The following POLR3B variants were observed in gnomAD, a reference collection of about 807,000 sequenced individuals.
POLR3B encodes DNA-directed RNA polymerase III subunit RPC2.
Under a neutral mutation model 147.4 loss-of-function variants are expected in POLR3B, and 96 were observed. The observed-to-expected ratio is 0.65, with a 90% CI of 0.55 to 0.77. The LOEUF is 0.77. Among genes scored for constraint, POLR3B ranks in the 30% least tolerant of loss-of-function variants. The pLI is 0.00. For missense variants in POLR3B, 1,036 were observed against 1,413.5 expected (o/e 0.73, Z 4.28); for synonymous variants, 461 against 485.9 (o/e 0.95, Z 0.67).
chr12:106,397,392 C>T (rs776610293), intron 10 of POLR3B, among the ~76,000 whole-genome samples: 1 of 152,192 alleles, frequency 6.6e-6, no homozygotes, highest in Non-Finnish European at 1.5e-5. Context: ...AGAGTTCCCC[C>T]TCATGCCCCT....
At chr12:106,490,420 G>T (rs1380601952) in intron 23 of POLR3B, among the ~76,000 whole-genome samples, 1 of 152,198 alleles carries the variant, frequency 6.6e-6, no homozygotes, top group Non-Finnish European at 1.5e-5. Flanking sequence ...TGTAAAAACT[G>T]TATTGTCTTC....
intron 15 of POLR3B, 114 bp downstream of exon 15, chr12:106,432,594 G>A: frequency 1.1e-6 from 1 of 885,894 alleles, no homozygotes; most frequent in South Asian, 1.3e-5. Context: ...GGCCCAGGTT[G>A]ACCTTCACTT....
intron 23 of POLR3B, among the ~76,000 whole-genome samples, chr12:106,481,058 G>A (rs1380211169): frequency 6.6e-6 from 1 of 152,210 alleles, no homozygotes; most frequent in Non-Finnish European, 1.5e-5. Context: ...TGAAGGTTTT[G>A]CAGCTGTAGC....
At chr12:106,442,798 T>G (rs2037670760) in intron 18 of POLR3B, among the ~76,000 whole-genome samples, 1 of 152,068 alleles carries the variant, frequency 6.6e-6, no homozygotes, top group Admixed American at 6.6e-5. Context: ...AAATAGCGGG[T>G]CCACAGAGAT....
chr12:106,411,604 GT>G (rs1455570117), intron 12 of POLR3B, among the ~76,000 whole-genome samples: 2 of 152,108 alleles, frequency 1.3e-5, no homozygotes, highest in Non-Finnish European at 2.9e-5. Flanking sequence ...CTAAGTACTA[GT>G]TATATAAGAG....
In POLR3B at chr12:106,386,799, C is replaced by G. The variant is rs554117953; in HGVS notation, c.724-6232C>G. On this transcript the variant is annotated intron_variant, in intron 9 of 27. Coordinates refer to ENST00000228347, the MANE Select transcript of POLR3B (RefSeq NM_018082.6). ...GCAGGTGCCTGTAGTCCCAGCTACT[C>G]AGGAGGCTGAGGCAGGAGAATGGCG... Among the ~76,000 whole-genome samples the G allele has an allele frequency of 3.9e-5, 6 of 152,064 alleles. 1 individual carries two copies. In the South Asian group the frequency reaches 1.2e-3, roughly 32 times the overall value.
intron 18 of POLR3B, among the ~76,000 whole-genome samples, chr12:106,441,778 A>G (rs2037654540): frequency 6.6e-6 from 1 of 152,208 alleles, no homozygotes; most frequent in Non-Finnish European, 1.5e-5. Context: ...AGTGCTTTAT[A>G]CACAGTGAAT....
chr12:106,433,976 A>G, intron 16 of POLR3B, 104 bp downstream of exon 16: 3 of 905,182 alleles, frequency 3.3e-6, no homozygotes, highest in Non-Finnish European at 5.2e-6. Context: ...AACCTCTTTC[A>G]TTGTGAAGAT....
intron 23 of POLR3B, among the ~76,000 whole-genome samples, chr12:106,487,327 T>G (rs1445511062): frequency 6.6e-6 from 1 of 152,242 alleles, no homozygotes; most frequent in Non-Finnish European, 1.5e-5. Context: ...TTAGTTGAAC[T>G]TAGTTTTTAA....
rs997162050 is a variant in POLR3B, at chr12:106,496,076, C to G, written c.2735C>G (p.Pro912Arg). 1.2e-6 allele frequency: 2 copies of G among 1,611,546 alleles called. No individual in the cohort carries two copies. The highest frequency in any genetic ancestry group is 1.7e-6 in the Non-Finnish European group (2 of 1,177,652). ...GQKGVCGLIV[P>R]QEDMPFCDSG... ...CCAGGTGTTTGTGGCTTGATCGTCC[C>G]CCAGGAAGACATGCCATTTTGTGAT... is the stretch of plus-strand genomic sequence containing the variant. The change falls in exon 24 of 28, where the codon CCC becomes CGC. Residue 912 changes from proline to arginine, a missense_variant. Physicochemically the swap from Pro to Arg is moderately radical, Grantham distance 103. Around this residue, in one of 12 missense-constraint regions of POLR3B, gnomAD observed 202 missense variants for 272.8 expected, o/e 0.74. Transcript: ENST00000228347.
At chr12:106,505,403 T>A (rs2038670902) in intron 27 of POLR3B, among the ~76,000 whole-genome samples, 1 of 152,028 alleles carries the variant, frequency 6.6e-6, no homozygotes, top group South Asian at 2.1e-4. Flanking sequence ...TCCTCTCACC[T>A]CAGTCCCCTG....
chr12:106,416,060 A>G (rs1387178134), intron 12 of POLR3B, among the ~76,000 whole-genome samples: 4 of 152,216 alleles, frequency 2.6e-5, no homozygotes, highest in African/African-American at 9.6e-5. Context: ...CTTGGGGATC[A>G]TTGTCACAGG....
intron 11 of POLR3B, among the ~76,000 whole-genome samples, chr12:106,409,788 A>T (rs2037201224): frequency 6.6e-6 from 1 of 152,104 alleles, no homozygotes; most frequent in African/African-American, 2.4e-5. Context: ...AGAAATTTTA[A>T]AATAGTATGT....
intron 10 of POLR3B, among the ~76,000 whole-genome samples, chr12:106,405,539 T>TACACACACACACAC (rs71072675): frequency 0.018 from 2,592 of 142,658 alleles, 34 homozygotes; most frequent in East Asian, 0.046. Context: ...GCTATATGTC[T>TACACACACACACAC]ACACACACAC....
At chr12:106,420,948 A>G (rs1310658806) in intron 12 of POLR3B, among the ~76,000 whole-genome samples, 2 of 152,072 alleles carry the variant, frequency 1.3e-5, no homozygotes, top group East Asian at 3.9e-4. Flanking sequence ...TTCTTGATTT[A>G]TTATATCATT....
At chr12:106,494,244 T>A (rs1221293678) in intron 23 of POLR3B, among the ~76,000 whole-genome samples, 2 of 152,202 alleles carry the variant, frequency 1.3e-5, no homozygotes, top group African/African-American at 2.4e-5. Context: ...TCTCTCTCCT[T>A]ACCCACCCCC....
At chr12:106,457,364 G>C in intron 21 of POLR3B, 68 bp downstream of exon 21, 2 of 1,369,972 alleles carry the variant, frequency 1.5e-6, no homozygotes, top group South Asian at 2.4e-5. Context: ...TAATATTTCT[G>C]AATATTTGGC....
chr12:106,459,275 T>C lies in POLR3B; in HGVS notation c.2477T>C (p.Val826Ala). 6.2e-7 allele frequency: 1 copy of C among 1,604,498 alleles called. No homozygotes were observed. The highest frequency in any genetic ancestry group is 8.5e-7 in the Non-Finnish European group (1 of 1,171,320). The change falls in exon 22 of 28, where the codon GTG becomes GCG. Residue 826 changes from valine to alanine, a missense_variant. This residue lies in a region of POLR3B where 202 missense variants were observed against 272.8 expected (regional missense o/e 0.74). Coordinates refer to ENST00000228347, the MANE Select transcript of POLR3B (RefSeq NM_018082.6). The stretch of plus-strand genomic sequence containing the variant: ...GGTGAGAAAGTAGAAAACAAACAAG[T>C]GCTTGTAAATAAGTCCATGCCCACA... Reference protein sequence around the residue: ...SPGEKVENKQVLVNKSMPTVT... With the variant: ...SPGEKVENKQALVNKSMPTVT...
intron 24 of POLR3B, 31 bp downstream of exon 24, chr12:106,496,189 T>G (rs756443111): frequency 7.8e-7 from 1 of 1,283,922 alleles, no homozygotes; most frequent in East Asian, 2.3e-5. Flanking sequence ...TCAGAGGCAT[T>G]GCCTTTAAGG....
Sources: allele counts gnomAD v4.1 joint callset (sites outside exome capture counted in the v4.1 genomes callset), GRCh38; gene constraint gnomAD v4.1.1; regional missense constraint gnomAD v4.1.1; transcripts MANE v1.5; gene names NCBI Gene and HGNC (gene_info 2026-07-23, HGNC 2026-07-21).